ETNPPL: variants seen among roughly 807,000 people sequenced by gnomAD.
The protein encoded by ETNPPL is alanine--glyoxylate aminotransferase 2-like 1.
Under a neutral mutation model 55.5 loss-of-function variants are expected in ETNPPL, and 30 were observed. That is an observed-to-expected ratio of 0.54 (90% CI 0.40 to 0.73). The LOEUF is 0.73. Among genes scored for constraint, ETNPPL ranks in the 30% least tolerant of loss-of-function variants. The probability of loss-of-function intolerance (pLI) is 0.00; values close to 1 mark genes in which losing one functional copy is unlikely to be tolerated. For missense variants in ETNPPL, 528 were observed against 607.9 expected, an observed-to-expected ratio of 0.87 and a Z score of 1.38; for synonymous variants, 202 against 207.2, an observed-to-expected ratio of 0.98 and a Z score of 0.21.
intron 9 of ETNPPL, among the ~76,000 whole-genome samples, chr4:108,747,165 T>A (rs13151222): frequency 1.6e-4 from 2 of 12,732 alleles, no homozygotes; most frequent in East Asian, 3.7e-3. Context: ...ATATATATAT[T>A]ATATATATAT....
intron 5 of ETNPPL, among the ~76,000 whole-genome samples, chr4:108,753,800 G>GAAAGAAAGAAAGA (rs374263477): frequency 7.6e-4 from 83 of 109,048 alleles, no homozygotes; most frequent in East Asian, 5.3e-3. Flanking sequence ...AAGAAAGAAA[G>GAAAGAAAGAAAGA]AAAGAAAAGA....
At chr4:108,744,442 G>T (rs1728365958) in intron 11 of ETNPPL, among the ~76,000 whole-genome samples, 1 of 151,992 alleles carries the variant, frequency 6.6e-6, no homozygotes, top group Admixed American at 6.6e-5. Flanking sequence ...CAGACATAGA[G>T]TGACAGATTG....
intron 11 of ETNPPL, among the ~76,000 whole-genome samples, chr4:108,745,664 C>T (rs946440565): frequency 6.6e-6 from 1 of 151,956 alleles, no homozygotes; most frequent in African/African-American, 2.4e-5. Context: ...GACGCGGTGA[C>T]TTACGTCTAT....
In ETNPPL at chr4:108,746,765, T is replaced by C; in HGVS notation, c.1169A>G (p.Tyr390Cys). 6.2e-7 allele frequency: 1 copy of C among 1,613,544 alleles called. No homozygotes were observed. The highest frequency in any genetic ancestry group is 8.5e-7 in the Non-Finnish European group (1 of 1,179,502). The change falls in exon 10 of 13, where the codon TAC (tyrosine) becomes TGC (cysteine). Residue 390 changes from tyrosine (Y) to cysteine (C), a missense_variant. By Grantham distance (194) the Tyr-to-Cys change is radical. Transcript: ENST00000296486. ...GGTGGGTGTGGGGGTGAATTACTTG[T>C]AGATGATGTGCTGAGCTTCAGCTGT... ...PATAEAQHII[Y>C]KMKEKRVLLS...
chr4:108,746,147 T>G (rs1448498170), intron 11 of ETNPPL, among the ~76,000 whole-genome samples: 1 of 152,168 alleles, frequency 6.6e-6, no homozygotes, highest in Non-Finnish European at 1.5e-5. Flanking sequence ...ATGACAAAAC[T>G]ATGTTCTTTC....
At chr4:108,761,865 T>C (rs1729521502) in intron 1 of ETNPPL, among the ~76,000 whole-genome samples, 1 of 152,168 alleles carries the variant, frequency 6.6e-6, no homozygotes, top group Non-Finnish European at 1.5e-5. Flanking sequence ...TGTCCAGCAT[T>C]CCTCCGAAGA....
Position 108,749,389 on chromosome 4 carries a change from A to G in ETNPPL, c.776T>C (p.Phe259Ser). 1 of 1,614,158 alleles carries G rather than the reference A, an allele frequency of 6.2e-7. No individual in the cohort carries two copies. The highest frequency in any genetic ancestry group is 8.5e-7 in the Non-Finnish European group (1 of 1,180,020). ...TTCACCATACATCTGGAAGCTCCAG[A>G]AATGTTTCCCAACTCTGCCAAAGCC... The part of the protein sequence containing the change: ...QVGFGRVGKH[F>S]WSFQMYGEDF... The change falls in exon 8 of 13, where the codon TTC (phenylalanine) becomes TCC (serine). Residue 259 changes from phenylalanine (F) to serine (S), a missense_variant. Transcript: ENST00000296486.
At chr4:108,757,002 T>C (rs1249017569) in intron 3 of ETNPPL, among the ~76,000 whole-genome samples, 1 of 152,144 alleles carries the variant, frequency 6.6e-6, no homozygotes, top group Non-Finnish European at 1.5e-5. Flanking sequence ...ATGAGACATA[T>C]AGAAGAAACC....
chr4:108,742,977 A>T (rs917057378), intron 12 of ETNPPL, among the ~76,000 whole-genome samples: 1 of 152,222 alleles, frequency 6.6e-6, no homozygotes, highest in African/African-American at 2.4e-5. Flanking sequence ...TGTTCTTGAC[A>T]TCAAAGAATA....
rs1262621289 is a variant in ETNPPL, at chr4:108,749,271, G to A, written c.894C>T (p.Ala298=). 22 of 1,613,916 alleles carry A rather than the reference G, an allele frequency of 1.4e-5. No individual in the cohort carries two copies. The highest frequency in any genetic ancestry group is 1.9e-5 in the Non-Finnish European group (22 of 1,179,956). The change falls in exon 8 of 13, where the codon GCC becomes GCT. Residue 298 remains alanine, a synonymous_variant. Coordinates refer to ENST00000296486, the MANE Select transcript of ETNPPL (RefSeq NM_031279.4). ...CVVTTKEIAE[A]FSSSGMEYFN... ...AATATTCCATCCCAGAGCTGCTGAA[G>A]GCTTCTGCAATTTCTTTGGTTGTTA...
chr4:108,754,447 T>C (rs1416800401), intron 5 of ETNPPL, among the ~76,000 whole-genome samples, 173 bp downstream of exon 5: 1 of 152,212 alleles, frequency 6.6e-6, no homozygotes, highest in Non-Finnish European at 1.5e-5. Flanking sequence ...AATAGATAAA[T>C]AAATTTTAAA....
chr4:108,750,495 CGTGTGTGTGTGTGTGT>C (rs3062135), intron 7 of ETNPPL, among the ~76,000 whole-genome samples: 2 of 141,572 alleles, frequency 1.4e-5, no homozygotes, highest in African/African-American at 2.7e-5. Context: ...TTAATACCGC[CGTGTGTGTGTGTGTGT>C]GTGTGTGTGT....
intron 7 of ETNPPL, 32 bp from the exon 8 acceptor site, chr4:108,749,495 A>C (rs1352952142): frequency 2.0e-5 from 31 of 1,528,492 alleles, no homozygotes; most frequent in Non-Finnish European, 2.8e-5. Flanking sequence ...TAATGCCTTC[A>C]GGTCACTGAG....
At position 108,747,159 on chromosome 4, in the gene ETNPPL, ATATATTATATATATAT is replaced by A. The variant is rs1560650327; in HGVS notation, c.1083-324_1083-309del. 1.3e-4 allele frequency among the ~76,000 whole-genome samples: 2 copies of A among 15,970 alleles called. 1 individual carries two copies. The highest frequency in any genetic ancestry group is 1.8e-4 in the Non-Finnish European group (2 of 10,958). 10.5% of individuals were successfully genotyped at this position (15,970 alleles called of 152,430 possible). A position where few individuals can be genotyped will look rare whatever the true frequency, so the allele number is the denominator to read the frequency against. On this transcript the variant is annotated intron_variant, in intron 9 of 12. Coordinates refer to ENST00000296486, the MANE Select transcript of ETNPPL (RefSeq NM_031279.4). ...ATATATATATATATAATATATATATATATATTATATATATATATATAATATATATATATATTATATA... is the reference window on the plus strand; with the variant it reads ...ATATATATATATATAATATATATATAATATAATATATATATATATTATATA...
At chr4:108,754,807 T>C in intron 4 of ETNPPL, 97 bp from the exon 5 acceptor site, 1 of 764,828 alleles carries the variant, frequency 1.3e-6, no homozygotes, top group Non-Finnish European at 2.3e-6. Flanking sequence ...TCCATATGCA[T>C]CCATCCAGGG....
chr4:108,752,524 C>T (rs1344082333), intron 6 of ETNPPL, among the ~76,000 whole-genome samples: 1 of 152,202 alleles, frequency 6.6e-6, no homozygotes, highest in Non-Finnish European at 1.5e-5. Flanking sequence ...AGCACCAAGG[C>T]TCCCTTGTGG....
At chr4:108,743,652 G>A in intron 12 of ETNPPL, 137 bp downstream of exon 12, 2 of 677,856 alleles carry the variant, frequency 3.0e-6, no homozygotes, top group Non-Finnish European at 5.3e-6. Flanking sequence ...ACTCAAAATT[G>A]CAACAATAAG....
rs143708546 is a variant in ETNPPL, at chr4:108,746,798, G to T, written c.1136C>A (p.Thr379Asn). 4 of 1,613,860 alleles carry T rather than the reference G, an allele frequency of 2.5e-6. No homozygotes were observed. In the East Asian group the frequency reaches 8.9e-5, roughly 36 times the overall value. The change falls in exon 10 of 13, where the codon ACC becomes AAC. Residue 379 changes from threonine (T) to asparagine (N), a missense_variant. Physicochemically the swap from Thr to Asn is moderately conservative, Grantham distance 65 (BLOSUM62 0). Coordinates refer to ENST00000296486, the MANE Select transcript of ETNPPL (RefSeq NM_031279.4). ...IDLVKDHLKRTPATAEAQHII... is the reference protein window; with the variant it reads ...IDLVKDHLKRNPATAEAQHII... The stretch of plus-strand genomic sequence containing the variant: ...GTGCTGAGCTTCAGCTGTGGCAGGG[G>T]TCCTTTTCAGATGGTCCTTCACTAA...
At chr4:108,750,495 C>CGTGTGTGTGTGTGTGTGT (rs3062135) in intron 7 of ETNPPL, among the ~76,000 whole-genome samples, 13 of 141,572 alleles carry the variant, frequency 9.2e-5, no homozygotes, top group South Asian at 4.7e-4. Flanking sequence ...TTAATACCGC[C>CGTGTGTGTGTGTGTGTGT]GTGTGTGTGT....
Sources: allele counts gnomAD v4.1 joint callset (sites outside exome capture counted in the v4.1 genomes callset), GRCh38; gene constraint gnomAD v4.1.1; transcripts MANE v1.5; gene names NCBI Gene and HGNC (gene_info 2026-07-23, HGNC 2026-07-21).